Variants in JSRP1 observed in about 807,000 individuals in gnomAD.
JSRP1 encodes junctional sarcoplasmic reticulum protein 1, also known as 2310032K21Rik.
Under a neutral mutation model 21.4 loss-of-function variants are expected in JSRP1, and 29 were observed. The ratio of observed to expected loss-of-function variants is 1.36; its 90% CI spans 1.01 to 1.85. The LOEUF (loss-of-function observed/expected upper bound fraction) is 1.85. Among genes scored for constraint, JSRP1 ranks in the 40% most tolerant of loss-of-function variants. The probability of loss-of-function intolerance (pLI) is 0.00; values close to 1 mark genes in which losing one functional copy is unlikely to be tolerated. For synonymous variants in JSRP1, 221 were observed against 206.1 expected (o/e 1.07, Z -0.62); for missense variants, 531 against 461.5 (o/e 1.15, Z -1.38).
chr19:2,252,854 C>T (rs1048596442), intron 6 of JSRP1, 58 bp from the exon 7 acceptor site: 18 of 1,596,584 alleles, frequency 1.1e-5, no homozygotes, highest in Non-Finnish European at 1.3e-5. Flanking sequence ...GCCCGGGCTC[C>T]TTCTTTCCTT....
Position 2,253,707 on chromosome 19 carries a change from G to C in JSRP1, c.349C>G (p.Leu117Val). ...TTGAGCGACAGGTCTCCCCAGGGCA[G>C]CTCCTCGCTCAGGGCCGGGGGCGGC... ...PPPPPALSEELPWGDLSLNKC... is the reference protein window; with the variant it reads ...PPPPPALSEEVPWGDLSLNKC... The change falls in exon 5 of 7, where the codon CTG becomes GTG. Residue 117 changes from leucine to valine, a missense_variant. Physicochemically the swap from Leu to Val is conservative, Grantham distance 32. Coordinates refer to ENST00000300961, the MANE Select transcript of JSRP1 (RefSeq NM_144616.4). The C allele has an allele frequency of 6.7e-7, 1 of 1,501,424 alleles. No individual in the cohort carries two copies. The highest frequency in any genetic ancestry group is 2.7e-5 in the East Asian group (1 of 36,536). The allele number at this position is 1,501,424 out of a possible 1,614,324, so 93.0% of individuals were successfully genotyped here. A position where few individuals can be genotyped will look rare whatever the true frequency, so the allele number is the denominator to read the frequency against.
In JSRP1 at chr19:2,255,225, G is replaced by A; in HGVS notation, c.90C>T (p.Thr30=). The change falls in exon 2 of 7, where the codon ACC becomes ACT. Residue 30 remains threonine, a synonymous_variant. Coordinates refer to ENST00000300961, the MANE Select transcript of JSRP1 (RefSeq NM_144616.4). ...ALEDHSALAE[T]QEDRASATPR... ...GGGTACCTGAAGCCCTGTCCTCCTG[G>A]GTCTCGGCCAGCGCAGAGTGGTCCT... 1 of 1,604,666 alleles carries A rather than the reference G, an allele frequency of 6.2e-7. No individual in the cohort carries two copies.
rs1857397935 is a variant in JSRP1 at position 2,253,756 on chromosome 19, G to A, written c.300C>T (p.Thr100=). ...GCGGCGGCGGCTGCAGGGGCGGCGC[G>A]GTCTGCGCCTTCTTGCGCGCGGGGA... The part of the protein sequence containing the change: ...RSVPARKKAQ[T]APPLQPPPPP... The change falls in exon 5 of 7, where the codon ACC becomes ACT. Residue 100 remains threonine (T), a synonymous_variant. Transcript: ENST00000300961. 3.4e-6 allele frequency: 5 copies of A among 1,457,466 alleles called. No homozygotes were observed. The highest frequency in any genetic ancestry group is 1.5e-5 in the African/African-American group (1 of 65,540). The allele number at this position is 1,457,466 out of a possible 1,614,324, so 90.3% of individuals were successfully genotyped here. A position where few individuals can be genotyped will look rare whatever the true frequency, so the allele number is the denominator to read the frequency against.
chr19:2,255,658 A>G (rs951660888), intron 1 of JSRP1, among the ~76,000 whole-genome samples: 1 of 152,218 alleles, frequency 6.6e-6, no homozygotes, highest in Admixed American at 6.5e-5. Context: ...TGAGTCCCAG[A>G]CGCACCCCAA....
chr19:2,254,515 G>A, intron 2 of JSRP1, 33 bp from the exon 3 acceptor site: 1 of 1,611,454 alleles, frequency 6.2e-7, no homozygotes, highest in Non-Finnish European at 8.5e-7. Context: ...AAGGTTGTGG[G>A]GACCCCCAGG....
chr19:2,254,167 C>A lies in JSRP1; in HGVS notation c.262+20G>T. On this transcript the variant is annotated intron_variant, in intron 4 of 6. Transcript: ENST00000300961. The stretch of plus-strand genomic sequence containing the variant: ...GTCCGTTCCCACCCCACACCTCACC[C>A]ATGCCTCCTGCAAACCCACTCGCTC... The A allele has an allele frequency of 6.4e-7, 1 of 1,572,902 alleles. No homozygotes were observed. The highest frequency in any genetic ancestry group is 1.1e-5 in the South Asian group (1 of 86,982).
At position 2,252,432 on chromosome 19, in the gene JSRP1, G is replaced by T. The variant is rs769347425; in HGVS notation, c.893C>A (p.Ala298Asp). The change falls in exon 7 of 7, where the codon GCC becomes GAC. Residue 298 changes from alanine to aspartate, a missense_variant. Ala to Asp is a moderately radical substitution (Grantham distance 126). Transcript: ENST00000300961. ...HRPWARDSRDAEPRKKQAWVS... is the reference protein window; with the variant it reads ...HRPWARDSRDDEPRKKQAWVS... The stretch of plus-strand genomic sequence containing the variant: ...CCAGGCCTGCTTCTTCCTGGGCTCG[G>T]CGTCCCTGGAGTCCCGTGCCCACGG... 1 of 1,610,100 alleles carries T rather than the reference G, an allele frequency of 6.2e-7. No homozygotes were observed. The highest frequency in any genetic ancestry group is 8.5e-7 in the Non-Finnish European group (1 of 1,179,458).
In JSRP1 at chr19:2,253,689, A is replaced by C; in HGVS notation, c.367T>G (p.Ser123Ala). The change falls in exon 5 of 7, where the codon TCG becomes GCG. Residue 123 changes from serine to alanine, a missense_variant. Transcript: ENST00000300961. ...LSEELPWGDL[S>A]LNKCLVLASL... is the part of the protein sequence containing the mutation. ...GCGAGCACCAGGCACTTGTTGAGCG[A>C]CAGGTCTCCCCAGGGCAGCTCCTCG... 1 of 1,510,726 alleles carries C rather than the reference A, an allele frequency of 6.6e-7. No homozygotes were observed. Among genetic ancestry groups the C allele is most frequent in the Non-Finnish European group, 8.8e-7 (1 of 1,136,750 alleles). The allele number at this position is 1,510,726 out of a possible 1,614,324, so 93.6% of individuals were successfully genotyped here.
At chr19:2,254,088 G>A in intron 4 of JSRP1, 99 bp downstream of exon 4, 1 of 962,674 alleles carries the variant, frequency 1.0e-6, no homozygotes, top group Non-Finnish European at 1.6e-6. Context: ...ACTCAACCAG[G>A]ACACCACCCT....
At position 2,254,350 on chromosome 19, in the gene JSRP1, C is replaced by G. The variant is rs1163935905; in HGVS notation, c.148-49G>C. 7 of 1,599,838 alleles carry G rather than the reference C, an allele frequency of 4.4e-6. No homozygotes were observed. The East Asian group carries it at 1.6e-4, about 36-fold the overall frequency. ...ACATGTTTCCTTCCAGTGCCAAACC[C>G]TTCCCGTGGGCTTTAGACACCTGCC... On this transcript the variant is annotated intron_variant, in intron 3 of 6. Transcript: ENST00000300961.
In JSRP1 at chr19:2,252,543, G is replaced by T. The variant is rs1258559816; in HGVS notation, c.782C>A (p.Pro261Gln). ...GGCCCGTGGCCTCTCCTCTTTCCGC[G>T]GCCTCTCTTTCTTAGGTCTCTCCTC... is the stretch of plus-strand genomic sequence containing the variant. ...RKEERPKKER[P>Q]RKEERPRAAR... is the part of the protein sequence containing the mutation. Residue 261 changes from proline to glutamine, a missense_variant, in exon 7 of 7, where the codon CCG becomes CAG. Coordinates refer to ENST00000300961, the MANE Select transcript of JSRP1 (RefSeq NM_144616.4). 1 of 1,612,770 alleles carries T rather than the reference G, an allele frequency of 6.2e-7. No individual in the cohort carries two copies. The highest frequency in any genetic ancestry group is 8.5e-7 in the Non-Finnish European group (1 of 1,179,868).
In JSRP1 at chr19:2,252,706, C is replaced by G. The variant is rs1237391359; in HGVS notation, c.619G>C (p.Ala207Pro). ...GGCTCCTCTTCGTCGTTCTCTGCAG[C>G]CTCCCGACTCCCGGGAATCTTGGGT... The part of the protein sequence containing the change: ...VRPKIPGSRE[A>P]AENDEEEPGE... Residue 207 changes from alanine (A) to proline (P), a missense_variant, in exon 7 of 7, where the codon GCT becomes CCT. Coordinates refer to ENST00000300961, the MANE Select transcript of JSRP1 (RefSeq NM_144616.4). 1 of 1,612,418 alleles carries G rather than the reference C, an allele frequency of 6.2e-7. No individual in the cohort carries two copies. Among genetic ancestry groups the G allele is most frequent in the Admixed American group, 1.7e-5 (1 of 60,032 alleles).
At chr19:2,253,937 C>T (rs2025109419) in intron 4 of JSRP1, 144 bp from the exon 5 acceptor site, 4 of 966,958 alleles carry the variant, frequency 4.1e-6, no homozygotes, top group African/African-American at 1.7e-5. Context: ...GTGAACCCAG[C>T]CCCGGGTGCC....
Position 2,252,293 on chromosome 19 carries a change from C to A in JSRP1, c.*36G>T. On this transcript the variant is annotated 3_prime_UTR_variant, in exon 7 of 7. Coordinates refer to ENST00000300961, the MANE Select transcript of JSRP1 (RefSeq NM_144616.4). ...TTATTTCGCCAGAGTCGCGGGGCGT[C>A]CAGAAGGGGCCCCTGGACTCCGGCG... 1 of 1,428,168 alleles carries A rather than the reference C, an allele frequency of 7.0e-7. No homozygotes were observed. The highest frequency in any genetic ancestry group is 9.2e-7 in the Non-Finnish European group (1 of 1,091,666). The allele number at this position is 1,428,168 out of a possible 1,614,324, so 88.5% of individuals were successfully genotyped here.
rs1054352637 is a variant in JSRP1 at position 2,252,288 on chromosome 19, G to A, written c.*41C>T. ...TCGCTTTATTTCGCCAGAGTCGCGG[G>A]GCGTCCAGAAGGGGCCCCTGGACTC... is the stretch of plus-strand genomic sequence containing the variant. On this transcript the variant is annotated 3_prime_UTR_variant, in exon 7 of 7. Coordinates refer to ENST00000300961, the MANE Select transcript of JSRP1 (RefSeq NM_144616.4). The A allele has an allele frequency of 2.8e-6, 4 of 1,409,078 alleles. No homozygotes were observed. The South Asian group carries it at 4.5e-5, about 16-fold the overall frequency. 87.3% of individuals were successfully genotyped at this position (1,409,078 alleles called of 1,614,324 possible). A position where few individuals can be genotyped will look rare whatever the true frequency, so the allele number is the denominator to read the frequency against.
intron 3 of JSRP1, 60 bp downstream of exon 3, chr19:2,254,385 C>T (rs959080692): frequency 1.3e-5 from 21 of 1,607,952 alleles, no homozygotes; most frequent in African/African-American, 2.7e-5. Flanking sequence ...CTCCCTTGGT[C>T]GGCTTGTCCC....
chr19:2,254,312 C>A lies in JSRP1; in HGVS notation c.148-11G>T. 6.3e-7 allele frequency: 1 copy of A among 1,594,226 alleles called. No individual in the cohort carries two copies. The highest frequency in any genetic ancestry group is 1.1e-5 in the South Asian group (1 of 89,796). ...AGCCACCTGAGAGTCCTGTGGTTAT[C>A]ACGAGACATTCCACATGTTTCCTTC... On this transcript the variant is annotated splice_polypyrimidine_tract_variant and intron_variant, in intron 3 of 6. Coordinates refer to ENST00000300961, the MANE Select transcript of JSRP1 (RefSeq NM_144616.4).
rs1162589828 is a variant in JSRP1 at position 2,252,349 on chromosome 19, C to A, written c.976G>T (p.Ala326Ser). Reference sequence around the variant, plus strand: ...CCGGCTCAGTCCCGCCCCTTGCCTGCGCGGAGCTTCTGGCGACTCCCAGGC... The same window carrying A: ...CCGGCTCAGTCCCGCCCCTTGCCTGAGCGGAGCTTCTGGCGACTCCCAGGC... Reference protein sequence around the residue: ...QRPGSRQKLRAGKGRD With the variant: ...QRPGSRQKLRSGKGRD Residue 326 changes from alanine to serine, a missense_variant, in exon 7 of 7, where the codon GCA becomes TCA. Ala to Ser is a moderately conservative substitution (Grantham distance 99, BLOSUM62 1). Transcript: ENST00000300961. The A allele has an allele frequency of 1.6e-5, 25 of 1,531,246 alleles. No homozygotes were observed. Among genetic ancestry groups the A allele is most frequent in the Non-Finnish European group, 2.2e-5 (25 of 1,143,082 alleles). 94.9% of individuals were successfully genotyped at this position (1,531,246 alleles called of 1,614,324 possible).
In JSRP1 at chr19:2,253,714, G is replaced by A. The variant is rs937247270; in HGVS notation, c.342C>T (p.Ser114=). Residue 114 remains serine, a synonymous_variant, in exon 5 of 7, where the codon AGC becomes AGT. Transcript: ENST00000300961. The stretch of plus-strand genomic sequence containing the variant: ...ACAGGTCTCCCCAGGGCAGCTCCTC[G>A]CTCAGGGCCGGGGGCGGCGGCGGCG... ...LQPPPPPPAL[S]EELPWGDLSL... 2.7e-6 allele frequency: 4 copies of A among 1,498,404 alleles called. No individual in the cohort carries two copies. Among genetic ancestry groups the A allele is most frequent in the African/African-American group, 2.9e-5 (2 of 68,532 alleles). 92.8% of individuals were successfully genotyped at this position (1,498,404 alleles called of 1,614,324 possible).
Sources: gnomAD v4.1 joint callset for allele counts (sites outside exome capture counted in the v4.1 genomes callset) on GRCh38, gnomAD v4.1.1 for gene constraint, MANE v1.5 for transcripts, NCBI Gene and HGNC (gene_info 2026-07-23, HGNC 2026-07-21) for gene names.